CFAP61: variants seen among roughly 807,000 people sequenced by gnomAD.
The protein encoded by CFAP61 is cilia- and flagella-associated protein 61.
A neutral mutation model predicts 135.6 loss-of-function variants in CFAP61; 107 were observed. The ratio of observed to expected loss-of-function variants is 0.79; its 90% CI spans 0.67 to 0.93. The LOEUF (loss-of-function observed/expected upper bound fraction) is 0.93. CFAP61 is among the 40% of genes least tolerant of loss of function. The pLI is 0.00. For missense variants in CFAP61, 1,507 were observed against 1,556.2 expected (o/e 0.97, Z 0.53); for synonymous variants, 575 against 578.5 (o/e 0.99, Z 0.09).
intron 2 of CFAP61, among the ~76,000 whole-genome samples, chr20:20,069,332 G>A (rs2045543426): frequency 6.6e-6 from 1 of 152,174 alleles, no homozygotes; most frequent in African/African-American, 2.4e-5. Context: ...CCAGGCTGGA[G>A]TACAGTGGTG....
intron 20 of CFAP61, among the ~76,000 whole-genome samples, chr20:20,256,069 C>T (rs1037620336): frequency 1.3e-5 from 2 of 152,212 alleles, no homozygotes; most frequent in Non-Finnish European, 2.9e-5. Context: ...CCCAGCCCTT[C>T]AGCCAGCCTT....
At chr20:20,196,501 A>G (rs997885526) in intron 15 of CFAP61, 69 bp from the exon 16 acceptor site, 2 of 1,201,606 alleles carry the variant, frequency 1.7e-6, no homozygotes, top group African/African-American at 3.0e-5. Context: ...TTTAAAAGAT[A>G]TTTATCACAA....
intron 22 of CFAP61, among the ~76,000 whole-genome samples, chr20:20,285,938 AAAAC>A (rs1287370969): frequency 6.6e-6 from 1 of 151,492 alleles, no homozygotes; most frequent in African/African-American, 2.4e-5. Flanking sequence ...AAAAAAAACA[AAAAC>A]AAACAAACAA....
At chr20:20,222,896 G>C (rs751431562) in intron 17 of CFAP61, among the ~76,000 whole-genome samples, 6 of 152,192 alleles carry the variant, frequency 3.9e-5, no homozygotes, top group Non-Finnish European at 7.3e-5. Context: ...GGAGAAAAGA[G>C]AGATAGAGAA....
chr20:20,268,803 T>G (rs992980641), intron 21 of CFAP61, among the ~76,000 whole-genome samples: 1 of 152,024 alleles, frequency 6.6e-6, no homozygotes, highest in Admixed American at 6.6e-5. Flanking sequence ...CTCTGTACTT[T>G]CCATGAAAAT....
intron 8 of CFAP61, among the ~76,000 whole-genome samples, chr20:20,131,311 A>G (rs1352697925): frequency 6.8e-6 from 1 of 146,296 alleles, no homozygotes; most frequent in Non-Finnish European, 1.5e-5. Context: ...AAGGTTTTTA[A>G]TTGCAGTTTA....
chr20:20,151,979 C>T (rs369970841), intron 9 of CFAP61, among the ~76,000 whole-genome samples: 8 of 151,994 alleles, frequency 5.3e-5, no homozygotes, highest in African/African-American at 7.3e-5. Context: ...AAACATCAGG[C>T]GACCTATAAA....
intron 8 of CFAP61, among the ~76,000 whole-genome samples, chr20:20,107,155 T>C (rs577125279): frequency 6.6e-6 from 1 of 152,230 alleles, no homozygotes; most frequent in Non-Finnish European, 1.5e-5. Context: ...TTGATGATTC[T>C]TAAAATATCA....
chr20:20,101,566 C>T (rs778581249), intron 8 of CFAP61, among the ~76,000 whole-genome samples: 2 of 151,772 alleles, frequency 1.3e-5, no homozygotes, highest in African/African-American at 4.8e-5. Context: ...ACTCCAATGA[C>T]GGGTCTGCTA....
At chr20:20,192,362 G>T (rs1174357243) in intron 15 of CFAP61, among the ~76,000 whole-genome samples, 1 of 152,084 alleles carries the variant, frequency 6.6e-6, no homozygotes, top group Non-Finnish European at 1.5e-5. Flanking sequence ...GTCTCAGGGA[G>T]CCTGACTGAT....
intron 9 of CFAP61, among the ~76,000 whole-genome samples, chr20:20,158,595 A>G (rs576195220): frequency 1.4e-4 from 21 of 152,358 alleles, no homozygotes; most frequent in African/African-American, 4.8e-4. Context: ...GTGCAACAGC[A>G]TGGATGAATT....
At chr20:20,115,798 C>T (rs577826974) in intron 8 of CFAP61, among the ~76,000 whole-genome samples, 2 of 152,096 alleles carry the variant, frequency 1.3e-5, no homozygotes, top group South Asian at 4.1e-4. Context: ...GAACAATATT[C>T]GATTGTGTAT....
chr20:20,327,656 G>A (rs184976498), intron 25 of CFAP61, among the ~76,000 whole-genome samples: 69 of 151,624 alleles, frequency 4.6e-4, no homozygotes, highest in Admixed American at 1.6e-3. Context: ...TTATGTTTAT[G>A]TTATGACATA....
chr20:20,329,067 G>C (rs1390942739), intron 25 of CFAP61, among the ~76,000 whole-genome samples: 1 of 152,044 alleles, frequency 6.6e-6, no homozygotes, highest in Non-Finnish European at 1.5e-5. Context: ...TCAACCTTTT[G>C]CTCCCTCTCC....
intron 8 of CFAP61, among the ~76,000 whole-genome samples, chr20:20,133,014 A>G (rs1352840377): frequency 1.3e-5 from 2 of 152,100 alleles, no homozygotes; most frequent in Non-Finnish European, 2.9e-5. Flanking sequence ...GTTTTTATCT[A>G]CCATCTTACT....
intron 8 of CFAP61, among the ~76,000 whole-genome samples, chr20:20,111,488 C>T (rs2048800459): frequency 6.6e-6 from 1 of 152,156 alleles, no homozygotes; most frequent in African/African-American, 2.4e-5. Context: ...TCCAAGAGGG[C>T]TTTGTAAGCA....
At chr20:20,120,592 A>T (rs6046635) in intron 8 of CFAP61, among the ~76,000 whole-genome samples, 1 of 152,074 alleles carries the variant, frequency 6.6e-6, no homozygotes, top group South Asian at 2.1e-4. Flanking sequence ...TGTTGAAAAC[A>T]ATGTGTATTC....
At chr20:20,222,904 GAA>G (rs2048495710) in intron 17 of CFAP61, among the ~76,000 whole-genome samples, 1 of 152,202 alleles carries the variant, frequency 6.6e-6, no homozygotes, top group African/African-American at 2.4e-5. Context: ...GAGAGATAGA[GAA>G]GCATCAGAAA....
chr20:20,255,079 C>T (rs2051418566), intron 20 of CFAP61, among the ~76,000 whole-genome samples: 1 of 152,208 alleles, frequency 6.6e-6, no homozygotes, highest in Non-Finnish European at 1.5e-5. Flanking sequence ...CTTCCTTGCT[C>T]TGTCAACTTC....
Sources: gnomAD v4.1 joint callset for allele counts (sites outside exome capture counted in the v4.1 genomes callset) on GRCh38, gnomAD v4.1.1 for gene constraint, MANE v1.5 for transcripts, NCBI Gene and HGNC (gene_info 2026-07-23, HGNC 2026-07-21) for gene names.